The following ADAMTSL3 variants were observed in gnomAD, a reference collection of about 807,000 sequenced individuals.
ADAMTSL3 encodes ADAMTS-like protein 3.
A neutral mutation model predicts 201.7 loss-of-function variants in ADAMTSL3; 128 were observed. That is an observed-to-expected ratio of 0.63 (90% CI 0.55 to 0.73). ADAMTSL3 has a LOEUF of 0.73. Among genes scored for constraint, ADAMTSL3 ranks in the 30% least tolerant of loss-of-function variants. The probability of loss-of-function intolerance (pLI) is 0.00; values close to 1 mark genes in which losing one functional copy is unlikely to be tolerated. For missense variants in ADAMTSL3, 1,990 were observed against 2,119.6 expected, an observed-to-expected ratio of 0.94 and a Z score of 1.20; for synonymous variants, 738 against 748.4, an observed-to-expected ratio of 0.99 and a Z score of 0.23.
intron 3 of ADAMTSL3, among the ~76,000 whole-genome samples, chr15:83,729,139 C>T (rs1393291466): frequency 6.6e-6 from 1 of 152,026 alleles, no homozygotes; most frequent in South Asian, 2.1e-4. Flanking sequence ...ATTGGGGCTC[C>T]ATTGTATGCT....
intron 10 of ADAMTSL3, among the ~76,000 whole-genome samples, chr15:83,886,585 T>G (rs746982978): frequency 4.6e-5 from 7 of 152,156 alleles, no homozygotes. Context: ...CTACTACACC[T>G]GGGACCAGAT....
intron 2 of ADAMTSL3, among the ~76,000 whole-genome samples, chr15:83,683,689 C>T (rs1011949664): frequency 6.6e-6 from 1 of 152,124 alleles, no homozygotes; most frequent in Non-Finnish European, 1.5e-5. Flanking sequence ...TCCTGGCAGC[C>T]TTGTTGCATC....
At chr15:83,856,513 A>C (rs2064737266) in intron 7 of ADAMTSL3, among the ~76,000 whole-genome samples, 1 of 151,990 alleles carries the variant, frequency 6.6e-6, no homozygotes, top group African/African-American at 2.4e-5. Context: ...ATAAGAATCC[A>C]TTGTAGGTAT....
intron 5 of ADAMTSL3, among the ~76,000 whole-genome samples, chr15:83,808,625 A>G (rs1476310981): frequency 6.6e-6 from 1 of 152,202 alleles, no homozygotes; most frequent in Admixed American, 6.5e-5. Context: ...CCCATTACTG[A>G]TTATATATTC....
chr15:83,935,801 G>A (rs1652960778), intron 17 of ADAMTSL3, among the ~76,000 whole-genome samples: 2 of 152,056 alleles, frequency 1.3e-5, no homozygotes, highest in Admixed American at 1.3e-4. Flanking sequence ...GATTGTAATA[G>A]TATCTCCTTA....
chr15:84,031,510 A>C (rs1392598637), intron 28 of ADAMTSL3, 78 bp downstream of exon 28: 3 of 1,309,690 alleles, frequency 2.3e-6, no homozygotes, highest in African/African-American at 1.5e-5. Context: ...CTGAAAATGG[A>C]ATCCTTTCTA....
At chr15:83,666,697 T>C (rs1337141192) in intron 2 of ADAMTSL3, among the ~76,000 whole-genome samples, 1 of 151,940 alleles carries the variant, frequency 6.6e-6, no homozygotes, top group Non-Finnish European at 1.5e-5. Flanking sequence ...ATAAATTATC[T>C]GGGCGTGGTG....
intron 21 of ADAMTSL3, among the ~76,000 whole-genome samples, chr15:83,987,495 A>G (rs1227099977): frequency 6.6e-6 from 1 of 152,230 alleles, no homozygotes; most frequent in African/African-American, 2.4e-5. Flanking sequence ...AGAAATAGAT[A>G]TTTCATCAAA....
At chr15:83,866,292 A>G (rs1264903326) in intron 8 of ADAMTSL3, among the ~76,000 whole-genome samples, 1 of 152,252 alleles carries the variant, frequency 6.6e-6, no homozygotes, top group Admixed American at 6.5e-5. Context: ...TCATGCTGCT[A>G]TAAAGACACA....
chr15:84,016,389 G>T lies in ADAMTSL3; in HGVS notation c.4163G>T (p.Arg1388Ile). Residue 1388 changes from arginine (R) to isoleucine (I), a missense_variant, in exon 25 of 30, where the codon AGA (arginine) becomes ATA (isoleucine). Physicochemically the swap from Arg to Ile is moderately conservative, Grantham distance 97. Coordinates refer to ENST00000286744, the MANE Select transcript of ADAMTSL3 (RefSeq NM_207517.3). The stretch of plus-strand genomic sequence containing the variant: ...TACTTTTTTTTTTCCTCAGAACGAA[G>T]ATGGCCAGAGAGTAGAATCGTATTT... ...ATSVLHLLER[R>I]WPESRIVFLQ... The T allele has an allele frequency of 6.2e-6, 10 of 1,612,856 alleles. No homozygotes were observed. The highest frequency in any genetic ancestry group is 8.5e-6 in the Non-Finnish European group (10 of 1,179,382).
At chr15:83,865,308 A>G (rs549256292) in intron 8 of ADAMTSL3, among the ~76,000 whole-genome samples, 3 of 152,326 alleles carry the variant, frequency 2.0e-5, no homozygotes, top group African/African-American at 7.2e-5. Flanking sequence ...TTGCCAAGTC[A>G]ATCGTAACCC....
intron 16 of ADAMTSL3, among the ~76,000 whole-genome samples, chr15:83,920,980 TTAAA>T (rs1262116165): frequency 2.6e-5 from 4 of 152,198 alleles, no homozygotes; most frequent in African/African-American, 9.7e-5. Flanking sequence ...ATAATAATTT[TTAAA>T]TAAATTACAT....
intron 19 of ADAMTSL3, among the ~76,000 whole-genome samples, chr15:83,952,373 A>G (rs2066773642): frequency 6.6e-6 from 1 of 152,162 alleles, no homozygotes; most frequent in African/African-American, 2.4e-5. Context: ...AGGGCTGAAC[A>G]TATGGTCTGT....
At chr15:83,677,341 C>G (rs532627536) in intron 2 of ADAMTSL3, among the ~76,000 whole-genome samples, 2 of 152,196 alleles carry the variant, frequency 1.3e-5, no homozygotes, top group Non-Finnish European at 2.9e-5. Flanking sequence ...GATTTTCTAT[C>G]TAGTTATTCA....
chr15:83,999,883 A>T (rs115583640), intron 23 of ADAMTSL3, among the ~76,000 whole-genome samples: 155 of 152,264 alleles, frequency 1.0e-3, no homozygotes, highest in African/African-American at 3.7e-3. Flanking sequence ...TTACCCTTTC[A>T]GGGGAGGATC....
chr15:83,949,960 G>A (rs565865173), intron 19 of ADAMTSL3, among the ~76,000 whole-genome samples: 28 of 152,030 alleles, frequency 1.8e-4, no homozygotes, highest in Admixed American at 1.6e-3. Context: ...AATTCTGTGG[G>A]TTGTGTCTAC....
chr15:84,005,562 A>G (rs911214305), intron 23 of ADAMTSL3, among the ~76,000 whole-genome samples: 22 of 152,226 alleles, frequency 1.4e-4, no homozygotes, highest in African/African-American at 5.3e-4. Flanking sequence ...GCCTATAAAT[A>G]AGACTCTGGA....
chr15:84,036,804 G>T lies in ADAMTSL3; in HGVS notation c.4786G>T (p.Ala1596Ser), dbSNP rs1191939715. 6.2e-7 allele frequency: 1 copy of T among 1,613,876 alleles called. No homozygotes were observed. The highest frequency in any genetic ancestry group is 8.5e-7 in the Non-Finnish European group (1 of 1,179,954). The change falls in exon 29 of 30, where the codon GCC becomes TCC. Residue 1596 changes from alanine to serine, a missense_variant. By Grantham distance (99) the Ala-to-Ser change is moderately conservative. Coordinates refer to ENST00000286744, the MANE Select transcript of ADAMTSL3 (RefSeq NM_207517.3). ...PTLRRNCTSG[A>S]CDVCWHTGPW... ...CTTAAGAAGGAACTGCACATCAGGG[G>T]CCTGTGATGTGTGTTGGCACACAGG...
chr15:83,942,921 G>A lies in ADAMTSL3; in HGVS notation c.2329G>A (p.Gly777Arg), dbSNP rs754061265. 359 of 1,603,392 alleles carry A rather than the reference G, an allele frequency of 2.2e-4. No homozygotes were observed. In the South Asian group the frequency reaches 2.9e-3, roughly 13 times the overall value. Reference protein sequence around the residue: ...EWQQCSRTCGGGTQNRRVTCR... With the variant: ...EWQQCSRTCGRGTQNRRVTCR... ...TTCTTAGTGTTCCAGGACTTGTGGC[G>A]GGGGAACTCAGAACAGAAGAGTCAC... is the stretch of plus-strand genomic sequence containing the variant. The change falls in exon 19 of 30, where the codon GGG becomes AGG. Residue 777 changes from glycine (G) to arginine (R), a missense_variant. Gly to Arg is a moderately radical substitution (Grantham distance 125, BLOSUM62 -2). Coordinates refer to ENST00000286744, the MANE Select transcript of ADAMTSL3 (RefSeq NM_207517.3).
Sources: allele counts gnomAD v4.1 joint callset (sites outside exome capture counted in the v4.1 genomes callset), GRCh38; gene constraint gnomAD v4.1.1; transcripts MANE v1.5; gene names NCBI Gene and HGNC (gene_info 2026-07-23, HGNC 2026-07-21).